The following SORCS2 variants were observed in gnomAD, a reference collection of about 807,000 sequenced individuals.
SORCS2 encodes sortilin related VPS10 domain containing receptor 2, also known as VPS10 domain-containing receptor SorCS2.
In SORCS2, 100 loss-of-function variants were observed where a neutral mutation model predicts 141.6. The ratio of observed to expected loss-of-function variants is 0.71; its 90% CI spans 0.60 to 0.83. The LOEUF (loss-of-function observed/expected upper bound fraction) is 0.83. Among genes scored for constraint, SORCS2 ranks in the 40% least tolerant of loss-of-function variants. The pLI is 0.00. For synonymous variants in SORCS2, 789 were observed against 676.9 expected (o/e 1.17, Z -2.57); for missense variants, 1,646 against 1,560.2 (o/e 1.05, Z -0.93).
intron 2 of SORCS2, among the ~76,000 whole-genome samples, chr4:7,500,581 GA>G (rs1433070532): frequency 7.3e-4 from 95 of 130,554 alleles, no homozygotes; most frequent in African/African-American, 3.8e-3. Flanking sequence ...AATAACCACA[GA>G]AAGCACCAGT....
At chr4:7,554,104 C>G (rs1372494987) in intron 3 of SORCS2, among the ~76,000 whole-genome samples, 8 of 9,960 alleles carry the variant, frequency 8.0e-4, no homozygotes, top group Admixed American at 6.2e-3. Context: ...GCCAAAAAAT[C>G]ATACGGAAAG....
chr4:7,656,032 T>A (rs1410655520), intron 5 of SORCS2, among the ~76,000 whole-genome samples: 1 of 152,220 alleles, frequency 6.6e-6, no homozygotes, highest in Non-Finnish European at 1.5e-5. Flanking sequence ...CTGGGATCTC[T>A]CCTGGAGCGT....
intron 1 of SORCS2, among the ~76,000 whole-genome samples, chr4:7,232,691 C>A (rs1202279475): frequency 6.6e-6 from 1 of 152,210 alleles, no homozygotes; most frequent in African/African-American, 2.4e-5. Context: ...GGATGCCACA[C>A]TGTGTCGATG....
At chr4:7,387,989 C>G (rs1214461724) in intron 1 of SORCS2, among the ~76,000 whole-genome samples, 1 of 151,428 alleles carries the variant, frequency 6.6e-6, no homozygotes, top group African/African-American at 2.4e-5. Context: ...TACACATGCA[C>G]ACATGCACAC....
intron 7 of SORCS2, among the ~76,000 whole-genome samples, chr4:7,666,110 G>A (rs565411938): frequency 8.8e-4 from 134 of 152,246 alleles, no homozygotes; most frequent in Middle Eastern, 3.4e-3. Context: ...TCTAAAGGGA[G>A]GGGCGATTCA....
At chr4:7,368,009 A>T (rs1339544113) in intron 1 of SORCS2, among the ~76,000 whole-genome samples, 3 of 152,186 alleles carry the variant, frequency 2.0e-5, no homozygotes. Flanking sequence ...GCTGGGCTTC[A>T]TGGAGACTTA....
chr4:7,250,720 G>A (rs1457878303), intron 1 of SORCS2, among the ~76,000 whole-genome samples: 1 of 152,276 alleles, frequency 6.6e-6, no homozygotes, highest in African/African-American at 2.4e-5. Context: ...GCGAGGCCGA[G>A]GAACAGCTGG....
intron 3 of SORCS2, among the ~76,000 whole-genome samples, chr4:7,637,715 G>C (rs1720360109): frequency 6.6e-6 from 1 of 151,286 alleles, no homozygotes; most frequent in Non-Finnish European, 1.5e-5. Flanking sequence ...ATGAATGAGT[G>C]AATGAATGAA....
At chr4:7,561,649 C>T (rs990268746) in intron 3 of SORCS2, among the ~76,000 whole-genome samples, 8 of 151,636 alleles carry the variant, frequency 5.3e-5, no homozygotes, top group South Asian at 2.1e-4. Context: ...CCCATCCATC[C>T]GTCTACCCAT....
At chr4:7,436,635 T>C (rs74498279) in intron 2 of SORCS2, among the ~76,000 whole-genome samples, 2,840 of 152,356 alleles carry the variant, frequency 0.019, 73 homozygotes, top group African/African-American at 0.065. Context: ...CGCTGCTGTG[T>C]TTAGCTGTAG....
At chr4:7,546,744 G>A (rs1426283813) in intron 3 of SORCS2, among the ~76,000 whole-genome samples, 2 of 152,174 alleles carry the variant, frequency 1.3e-5, no homozygotes, top group East Asian at 1.9e-4. Context: ...CTGTGGTCAC[G>A]CAGCTTCCCT....
At chr4:7,444,793 C>T (rs371089106) in intron 2 of SORCS2, among the ~76,000 whole-genome samples, 3 of 152,152 alleles carry the variant, frequency 2.0e-5, no homozygotes, top group African/African-American at 2.4e-5. Context: ...AGGTGGCGAC[C>T]GTAGGTGACA....
chr4:7,320,621 T>G (rs1718838190), intron 1 of SORCS2, among the ~76,000 whole-genome samples: 1 of 152,216 alleles, frequency 6.6e-6, no homozygotes, highest in Admixed American at 6.5e-5. Flanking sequence ...GGATGGAGGC[T>G]GTTTCCCAGT....
chr4:7,729,965 G>A lies in SORCS2; in HGVS notation c.3108+253G>A, dbSNP rs144016585. ...GGCTGGACCACCTCCCAGGGGGCTC[G>A]CTCATTTCTTCTCCCGTGTCATTGG... On this transcript the variant is annotated intron_variant, in intron 23 of 26. Coordinates refer to ENST00000507866, the MANE Select transcript of SORCS2 (RefSeq NM_020777.3). Among the ~76,000 whole-genome samples, 497 of 152,222 alleles carry A rather than the reference G, an allele frequency of 3.3e-3. 3 individuals are homozygous for A. The highest frequency in any genetic ancestry group is 0.02 in the Middle Eastern group (6 of 294).
chr4:7,279,038 C>T (rs945527474), intron 1 of SORCS2, among the ~76,000 whole-genome samples: 4 of 152,126 alleles, frequency 2.6e-5, no homozygotes, highest in African/African-American at 7.2e-5. Flanking sequence ...ACGAATACCC[C>T]ACCCACCACC....
chr4:7,219,015 C>T (rs538112877), intron 1 of SORCS2, among the ~76,000 whole-genome samples: 188 of 152,226 alleles, frequency 1.2e-3, no homozygotes, highest in Non-Finnish European at 2.5e-3. Flanking sequence ...TACCTCAGAG[C>T]CCATGCCTGG....
At chr4:7,535,355 G>A (rs913905554) in intron 3 of SORCS2, among the ~76,000 whole-genome samples, 3 of 152,214 alleles carry the variant, frequency 2.0e-5, no homozygotes, top group African/African-American at 4.8e-5. Flanking sequence ...CGGATGTGGG[G>A]CACCGGGGAG....
intron 2 of SORCS2, among the ~76,000 whole-genome samples, chr4:7,407,537 T>A (rs1725044831): frequency 6.7e-6 from 1 of 150,230 alleles, no homozygotes; most frequent in Non-Finnish European, 1.5e-5. Context: ...TGGAATAACT[T>A]TTTCCAGCCC....
At chr4:7,655,464 T>C (rs1451654079) in intron 5 of SORCS2, among the ~76,000 whole-genome samples, 1 of 152,264 alleles carries the variant, frequency 6.6e-6, no homozygotes, top group East Asian at 1.9e-4. Flanking sequence ...GAGGTTCAAG[T>C]TGGCGGCTGC....
Sources: allele counts gnomAD v4.1 joint callset (sites outside exome capture counted in the v4.1 genomes callset), GRCh38; gene constraint gnomAD v4.1.1; transcripts MANE v1.5; gene names NCBI Gene and HGNC (gene_info 2026-07-23, HGNC 2026-07-21).